The following NBAS variants were observed in gnomAD, a reference collection of about 807,000 sequenced individuals.
The protein encoded by NBAS is NBAS subunit of NRZ tethering complex, also known as NAG/BC035112 fusion.
Under a neutral mutation model 302.5 loss-of-function variants are expected in NBAS, and 219 were observed. The observed-to-expected ratio is 0.72, with a 90% CI of 0.65 to 0.81. The LOEUF is 0.81. NBAS is among the 30% of genes least tolerant of loss of function. The pLI, the probability that NBAS is intolerant of heterozygous loss-of-function variation, is 0.00. For missense variants in NBAS, 2,932 were observed against 2,841.6 expected (o/e 1.03, Z -0.72); for synonymous variants, 1,118 against 1,021.6 (o/e 1.09, Z -1.80).
the NBAS span, among the ~76,000 whole-genome samples, chr2:14,838,061 G>A: frequency 6.6e-6 from 1 of 151,786 alleles, no homozygotes; most frequent in African/African-American, 2.4e-5. Flanking sequence ...TGGTTTGTTT[G>A]TTTGTTTACT....
At chr2:14,969,344 G>C in the NBAS span, among the ~76,000 whole-genome samples, 4 of 152,000 alleles carry the variant, frequency 2.6e-5, no homozygotes, top group African/African-American at 7.3e-5. Flanking sequence ...TAGGTGAGCT[G>C]TACAGTATGA....
chr2:14,789,274 C>T, the NBAS span, among the ~76,000 whole-genome samples: 1 of 152,224 alleles, frequency 6.6e-6, no homozygotes, highest in Admixed American at 6.5e-5. Context: ...TCCCCGACCC[C>T]TTGCGCTTCC....
At chr2:15,364,699 G>C (rs1352231026) in intron 32 of NBAS, among the ~76,000 whole-genome samples, 1 of 151,994 alleles carries the variant, frequency 6.6e-6, no homozygotes, top group Non-Finnish European at 1.5e-5. Flanking sequence ...CCCTATATCA[G>C]CCCCCAGCTA....
intron 40 of NBAS, among the ~76,000 whole-genome samples, chr2:15,292,976 G>A (rs1219460297): frequency 1.3e-5 from 2 of 152,038 alleles, no homozygotes; most frequent in Non-Finnish European, 2.9e-5. Flanking sequence ...CACAGAACTA[G>A]GCCCAAAAAC....
chr2:15,442,374 A>G (rs10439235), intron 21 of NBAS, among the ~76,000 whole-genome samples: 3,714 of 150,772 alleles, frequency 0.025, 158 homozygotes, highest in African/African-American at 0.086. Flanking sequence ...AACTACATGG[A>G]AACTGAACAA....
chr2:14,836,713 G>A, the NBAS span, among the ~76,000 whole-genome samples: 43,952 of 151,508 alleles, frequency 0.29, 7,012 homozygotes, highest in East Asian at 0.4. Context: ...ATAATTCTGC[G>A]TACAGTCACA....
At chr2:14,848,514 T>C in the NBAS span, among the ~76,000 whole-genome samples, 3 of 144,168 alleles carry the variant, frequency 2.1e-5, no homozygotes, top group Admixed American at 2.0e-4. Flanking sequence ...GCGCCCGCCA[T>C]TGCCCAGCCT....
Position 15,441,680 on chromosome 2 carries a change from C to T in NBAS, c.2340-13886G>A, listed in dbSNP as rs1180349843. 2.0e-5 allele frequency among the ~76,000 whole-genome samples: 3 copies of T among 150,656 alleles called. No individual in the cohort carries two copies. In the South Asian group the frequency reaches 6.3e-4, roughly 32 times the overall value. ...AATATTAACTTTAAATGTAAATGGACTAAATGCTCCAATTAAAAGACACAG... is the reference window on the plus strand; with the variant it reads ...AATATTAACTTTAAATGTAAATGGATTAAATGCTCCAATTAAAAGACACAG... On this transcript the variant is annotated intron_variant, in intron 21 of 51. Coordinates refer to ENST00000281513, the MANE Select transcript of NBAS (RefSeq NM_015909.4).
intron 35 of NBAS, among the ~76,000 whole-genome samples, chr2:15,342,645 G>A (rs1468418273): frequency 1.3e-5 from 2 of 151,618 alleles, no homozygotes; most frequent in African/African-American, 2.4e-5. Context: ...AAGATCAGAG[G>A]GAGGAAAAAG....
the NBAS span, among the ~76,000 whole-genome samples, chr2:15,035,454 C>G: frequency 7.9e-5 from 12 of 152,128 alleles, no homozygotes; most frequent in Non-Finnish European, 1.8e-4. Context: ...GGCTTAGAAC[C>G]AGAAATGCCA....
At chr2:15,258,096 A>T (rs930128170) in intron 44 of NBAS, among the ~76,000 whole-genome samples, 1 of 152,184 alleles carries the variant, frequency 6.6e-6, no homozygotes, top group Non-Finnish European at 1.5e-5. Context: ...GACTGGCTGG[A>T]GCCGTGGCAG....
chr2:14,964,450 C>A, the NBAS span, among the ~76,000 whole-genome samples: 1 of 151,958 alleles, frequency 6.6e-6, no homozygotes, highest in African/African-American at 2.4e-5. Context: ...CTATTCAAAA[C>A]AAAACACAGA....
the NBAS span, among the ~76,000 whole-genome samples, chr2:14,880,195 C>T: frequency 2.0e-5 from 3 of 152,134 alleles, no homozygotes; most frequent in South Asian, 2.1e-4. Flanking sequence ...CAAAGAAACC[C>T]GGTAGGGATA....
chr2:15,299,939 G>A (rs551598132), intron 40 of NBAS, among the ~76,000 whole-genome samples: 10 of 152,228 alleles, frequency 6.6e-5, no homozygotes, highest in African/African-American at 9.6e-5. Context: ...TTTTAAAAAC[G>A]TAAAAATGAG....
At chr2:15,031,417 G>C in the NBAS span, among the ~76,000 whole-genome samples, 1 of 152,164 alleles carries the variant, frequency 6.6e-6, no homozygotes, top group African/African-American at 2.4e-5. Context: ...CAGTTACACA[G>C]AGCTCTTTCA....
At chr2:14,833,976 T>A in the NBAS span, among the ~76,000 whole-genome samples, 1 of 152,128 alleles carries the variant, frequency 6.6e-6, no homozygotes, top group Non-Finnish European at 1.5e-5. Flanking sequence ...TCAAAGCCAT[T>A]TCAGTGAATT....
chr2:15,126,098 T>G, the NBAS span, among the ~76,000 whole-genome samples: 1 of 152,150 alleles, frequency 6.6e-6, no homozygotes, highest in Non-Finnish European at 1.5e-5. Context: ...CATGAATGAC[T>G]TAGCACCATT....
the NBAS span, among the ~76,000 whole-genome samples, chr2:15,004,647 C>G: frequency 6.6e-6 from 1 of 150,440 alleles, no homozygotes; most frequent in Admixed American, 6.6e-5. Context: ...ACAACAGGCG[C>G]AGACCACCAC....
the NBAS span, among the ~76,000 whole-genome samples, chr2:15,001,953 C>A: frequency 2.0e-5 from 3 of 152,294 alleles, no homozygotes; most frequent in East Asian, 5.8e-4. Context: ...CTGGCTCGGG[C>A]AGCCTGCTTT....
Sources: gnomAD v4.1 joint callset for allele counts (sites outside exome capture counted in the v4.1 genomes callset) on GRCh38, gnomAD v4.1.1 for gene constraint, MANE v1.5 for transcripts, NCBI Gene and HGNC (gene_info 2026-07-23, HGNC 2026-07-21) for gene names.